Variants in CACNA1E observed in about 807,000 individuals in gnomAD.
CACNA1E encodes calcium voltage-gated channel subunit alpha1 E, also known as voltage-dependent R-type calcium channel subunit alpha-1E.
In CACNA1E, 40 loss-of-function variants were observed where a neutral mutation model predicts 259.2. The observed-to-expected ratio is 0.15, with a 90% CI of 0.12 to 0.20. The LOEUF (loss-of-function observed/expected upper bound fraction) is 0.20. Ranked by LOEUF, CACNA1E falls within the 10% of genes least tolerant of loss-of-function variation. The pLI, the probability that CACNA1E is intolerant of heterozygous loss-of-function variation, is 1.00. For synonymous variants in CACNA1E, 1,104 were observed against 1,138.5 expected (o/e 0.97, Z 0.61); for missense variants, 1,874 against 3,040.1 (o/e 0.62, Z 9.02).
intron 6 of CACNA1E, among the ~76,000 whole-genome samples, chr1:181,628,405 G>C (rs1656400392): frequency 6.6e-6 from 1 of 152,180 alleles, no homozygotes; most frequent in Non-Finnish European, 1.5e-5. Context: ...CATTGCCAGT[G>C]CCTTCTCTGT....
chr1:181,568,136 C>T (rs989088299), intron 3 of CACNA1E, among the ~76,000 whole-genome samples: 14 of 152,126 alleles, frequency 9.2e-5, no homozygotes, highest in Admixed American at 6.5e-5. Flanking sequence ...GTTTCATTAC[C>T]TGCTTACCTG....
intron 1 of CACNA1E, among the ~76,000 whole-genome samples, chr1:181,369,863 T>C (rs573840022): frequency 1.1e-3 from 160 of 152,322 alleles, no homozygotes; most frequent in Non-Finnish European, 1.9e-3. Context: ...GCAAATTGTG[T>C]GTCATGGGGG....
intron 1 of CACNA1E, among the ~76,000 whole-genome samples, chr1:181,407,237 C>G (rs1268003258): frequency 6.6e-6 from 1 of 152,082 alleles, no homozygotes; most frequent in Non-Finnish European, 1.5e-5. Context: ...TGATGCCAGT[C>G]CAGGGGAGAA....
intron 6 of CACNA1E, among the ~76,000 whole-genome samples, chr1:181,595,541 C>A (rs1653073203): frequency 6.6e-6 from 1 of 152,184 alleles, no homozygotes; most frequent in Non-Finnish European, 1.5e-5. Context: ...ACCATCCTCC[C>A]CTTCCCGGGT....
intron 20 of CACNA1E, 69 bp downstream of exon 20, chr1:181,733,103 C>A: frequency 6.9e-7 from 1 of 1,453,590 alleles, no homozygotes. Flanking sequence ...CAATATAAGC[C>A]TTTCTGAGCT....
At chr1:181,409,278 C>T (rs1037139882) in intron 1 of CACNA1E, among the ~76,000 whole-genome samples, 5 of 152,104 alleles carry the variant, frequency 3.3e-5, no homozygotes, top group Admixed American at 2.0e-4. Context: ...ATTTTCTGGC[C>T]CTTTGCAGTG....
At chr1:181,541,496 G>T (rs539117769) in intron 3 of CACNA1E, among the ~76,000 whole-genome samples, 9 of 152,088 alleles carry the variant, frequency 5.9e-5, no homozygotes, top group African/African-American at 2.2e-4. Context: ...TAACAGGATC[G>T]TTGAGAGCAG....
At chr1:181,683,283 A>G (rs1019222639) in intron 7 of CACNA1E, among the ~76,000 whole-genome samples, 1 of 152,224 alleles carries the variant, frequency 6.6e-6, no homozygotes, top group Non-Finnish European at 1.5e-5. Context: ...AGGTTCAACA[A>G]CAGGCAGTGG....
At chr1:181,330,460 A>G (rs1273024023) in intron 1 of CACNA1E, among the ~76,000 whole-genome samples, 1 of 152,162 alleles carries the variant, frequency 6.6e-6, no homozygotes, top group Non-Finnish European at 1.5e-5. Flanking sequence ...AGAGTGCCAG[A>G]GGGTCAGCCT....
At chr1:181,571,536 A>G (rs1311546165) in intron 3 of CACNA1E, among the ~76,000 whole-genome samples, 2 of 152,234 alleles carry the variant, frequency 1.3e-5, no homozygotes, top group Admixed American at 1.3e-4. Context: ...ATGCTTTTGA[A>G]TGGACACAGC....
At chr1:181,390,939 C>T (rs565420489) in intron 1 of CACNA1E, among the ~76,000 whole-genome samples, 3 of 152,234 alleles carry the variant, frequency 2.0e-5, no homozygotes, top group South Asian at 2.1e-4. Context: ...GCTGATTGGC[C>T]GCCAAACTGC....
intron 18 of CACNA1E, among the ~76,000 whole-genome samples, chr1:181,728,802 G>A (rs1309798115): frequency 6.6e-6 from 1 of 151,538 alleles, no homozygotes; most frequent in Non-Finnish European, 1.5e-5. Context: ...CTGCACAGAT[G>A]TGTGAACATC....
At chr1:181,431,088 AT>A (rs931863768) in intron 2 of CACNA1E, among the ~76,000 whole-genome samples, 16 of 151,812 alleles carry the variant, frequency 1.1e-4, no homozygotes, top group Non-Finnish European at 1.9e-4. Context: ...ATACCTCTCA[AT>A]TTTTTTTAGG....
chr1:181,742,681 C>T (rs3753742), intron 25 of CACNA1E, among the ~76,000 whole-genome samples: 315 of 152,104 alleles, frequency 2.1e-3, no homozygotes, highest in African/African-American at 7.3e-3. Flanking sequence ...CTCACCGAGT[C>T]GGGGGAGTGA....
chr1:181,739,863 C>T (rs1246410047), intron 25 of CACNA1E, among the ~76,000 whole-genome samples: 2 of 152,272 alleles, frequency 1.3e-5, no homozygotes, highest in South Asian at 4.2e-4. Flanking sequence ...GCAACAAAAT[C>T]ATGTTCATAA....
intron 7 of CACNA1E, among the ~76,000 whole-genome samples, chr1:181,676,142 G>A (rs371243224): frequency 6.6e-6 from 1 of 152,112 alleles, no homozygotes; most frequent in African/African-American, 2.4e-5. Context: ...AGCTGTGCGA[G>A]GCTTATACAA....
intron 1 of CACNA1E, among the ~76,000 whole-genome samples, chr1:181,363,985 A>C (rs1416320538): frequency 6.6e-6 from 1 of 152,216 alleles, no homozygotes; most frequent in African/African-American, 2.4e-5. Context: ...TGACTGGCAC[A>C]TGGAAAAGAG....
chr1:181,361,065 T>C (rs1653855074), intron 1 of CACNA1E, among the ~76,000 whole-genome samples: 1 of 152,146 alleles, frequency 6.6e-6, no homozygotes, highest in Admixed American at 6.5e-5. Flanking sequence ...AGGTGGCATC[T>C]CACCACTCCC....
intron 1 of CACNA1E, among the ~76,000 whole-genome samples, chr1:181,359,285 C>T (rs1250737078): frequency 6.6e-6 from 1 of 152,050 alleles, no homozygotes; most frequent in Non-Finnish European, 1.5e-5. Context: ...GTACAGCATG[C>T]TAAGGGAACA....
Sources: gnomAD v4.1 joint callset for allele counts (sites outside exome capture counted in the v4.1 genomes callset) on GRCh38, gnomAD v4.1.1 for gene constraint, MANE v1.5 for transcripts, NCBI Gene and HGNC (gene_info 2026-07-23, HGNC 2026-07-21) for gene names.